KALRN: variants seen among roughly 807,000 people sequenced by gnomAD.
KALRN encodes the protein kalirin.
In KALRN, 70 loss-of-function variants were observed where a neutral mutation model predicts 353.7. The observed-to-expected ratio is 0.20, with a 90% confidence interval of 0.16 to 0.24. KALRN has a LOEUF of 0.24. Among genes scored for constraint, KALRN ranks in the 10% least tolerant of loss-of-function variants. KALRN has a pLI of 1.00. For synonymous variants in KALRN, 1,391 were observed against 1,434.8 expected (o/e 0.97, Z 0.69); for missense variants, 2,791 against 3,756.7 (o/e 0.74, Z 6.72).
In KALRN at chr3:124,550,687, A is replaced by T. The variant is rs191585417; in HGVS notation, c.4936-12156A>T. ...TTTTTGTCCCTGGAGAGCCAGTCTG[A>T]ATTGAAAATTAAGAAGTTAAGACCA... On this transcript the variant is annotated intron_variant, in intron 33 of 59. Transcript: ENST00000682506. Among the ~76,000 whole-genome samples, 5 of 152,098 alleles carry T rather than the reference A, an allele frequency of 3.3e-5. No homozygotes were observed. The South Asian group carries it at 1.0e-3, about 32-fold the overall frequency.
chr3:124,476,161 A>T (rs1468443358), intron 26 of KALRN, among the ~76,000 whole-genome samples: 3 of 152,030 alleles, frequency 2.0e-5, no homozygotes, highest in African/African-American at 7.2e-5. Flanking sequence ...TAAGTCTCAT[A>T]ATCTTAATAT....
rs894034471 is a variant in KALRN at position 124,694,259 on chromosome 3, G to A, written c.7406-73G>A. ...GACATGGGTGGGAAATGAGAGAGGT[G>A]TGTTAAAACAAAATGGCCATTTTAT... is the stretch of plus-strand genomic sequence containing the variant. On this transcript the variant is annotated intron_variant, in intron 52 of 59. Transcript: ENST00000682506. 1.0e-5 allele frequency: 14 copies of A among 1,405,738 alleles called. No individual in the cohort carries two copies. The Middle Eastern group carries it at 5.4e-4, about 54-fold the overall frequency. 87.1% of individuals were successfully genotyped at this position (1,405,738 alleles called of 1,614,324 possible).
intron 27 of KALRN, among the ~76,000 whole-genome samples, chr3:124,478,250 C>T (rs1159767238): frequency 6.6e-6 from 1 of 152,142 alleles, no homozygotes; most frequent in Admixed American, 6.5e-5. Context: ...AAACTCAGCC[C>T]TTTTTAAAGG....
intron 5 of KALRN, among the ~76,000 whole-genome samples, chr3:124,287,768 AAGATATATATATATATATATAT>A (rs1338045454): frequency 9.0e-4 from 64 of 71,462 alleles, no homozygotes; most frequent in African/African-American, 3.3e-3. Flanking sequence ...AGGGCCTAGG[AAGATATATATATATATATATAT>A]ATATATATAT....
At chr3:124,050,721 T>A (rs1006134378) in intron 1 of KALRN, among the ~76,000 whole-genome samples, 3 of 152,218 alleles carry the variant, frequency 2.0e-5, no homozygotes, top group Non-Finnish European at 2.9e-5. Context: ...CTCCCCTATG[T>A]CATATCCTTA....
chr3:124,356,215 G>T (rs2083387390), intron 10 of KALRN, among the ~76,000 whole-genome samples: 1 of 151,828 alleles, frequency 6.6e-6, no homozygotes, highest in South Asian at 2.1e-4. Flanking sequence ...GCCCACTGAG[G>T]TTAATCTTAC....
rs369418629 is a variant in KALRN, at chr3:124,539,996, G to A, written c.4936-22847G>A. On this transcript the variant is annotated intron_variant, in intron 33 of 59. Coordinates refer to ENST00000682506, the MANE Select transcript of KALRN (RefSeq NM_001388419.1). ...ATGATCTTGACTCACTGCAACCTCC[G>A]CCTCCCAGGTTCAAGCGATTCTCCT... is the stretch of plus-strand genomic sequence containing the variant. Among the ~76,000 whole-genome samples, 162 of 151,822 alleles carry A rather than the reference G, an allele frequency of 1.1e-3. 1 individual carries two copies. The highest frequency in any genetic ancestry group is 7.4e-3 in the Admixed American group (113 of 15,256).
intron 33 of KALRN, chr3:124,504,833 C>T: frequency 2.1e-6 from 1 of 472,632 alleles, no homozygotes; most frequent in Non-Finnish European, 4.4e-6. Context: ...CACAGCCCAA[C>T]TCAAATTGAA....
At chr3:124,487,081 C>T (rs2062646669) in intron 28 of KALRN, among the ~76,000 whole-genome samples, 1 of 152,194 alleles carries the variant, frequency 6.6e-6, no homozygotes, top group Admixed American at 6.5e-5. Context: ...AAAGGCACCT[C>T]CACTCAACAT....
At chr3:124,489,056 C>A (rs1335019579) in intron 29 of KALRN, among the ~76,000 whole-genome samples, 1 of 152,210 alleles carries the variant, frequency 6.6e-6, no homozygotes, top group Non-Finnish European at 1.5e-5. Context: ...TAAGATTTAA[C>A]ATTTTTTTGG....
intron 33 of KALRN, among the ~76,000 whole-genome samples, chr3:124,510,521 G>GT (rs35909786): frequency 3.4e-4 from 50 of 148,998 alleles, no homozygotes; most frequent in Admixed American, 1.5e-3. Flanking sequence ...AATGCTGAGG[G>GT]TTTTTTTTTT....
intron 45 of KALRN, among the ~76,000 whole-genome samples, chr3:124,666,163 AATG>A (rs2085588817): frequency 6.6e-6 from 1 of 152,106 alleles, no homozygotes; most frequent in African/African-American, 2.4e-5. Context: ...CTTTTCTGCT[AATG>A]ATATTACCTT....
At chr3:124,513,344 G>A (rs528872463) in intron 33 of KALRN, among the ~76,000 whole-genome samples, 9 of 152,278 alleles carry the variant, frequency 5.9e-5, no homozygotes, top group South Asian at 2.1e-4. Flanking sequence ...AGAAGCAGAC[G>A]TGTTTCCAGT....
At chr3:124,608,525 C>T (rs1171303760) in intron 34 of KALRN, among the ~76,000 whole-genome samples, 1 of 152,090 alleles carries the variant, frequency 6.6e-6, no homozygotes, top group East Asian at 1.9e-4. Context: ...TTACAGCATC[C>T]TGTCTCCCTT....
At chr3:124,273,886 C>A (rs1251542534) in intron 5 of KALRN, among the ~76,000 whole-genome samples, 1 of 152,236 alleles carries the variant, frequency 6.6e-6, no homozygotes, top group African/African-American at 2.4e-5. Flanking sequence ...CAGGTCACCA[C>A]TCATTGGCCT....
intron 33 of KALRN, among the ~76,000 whole-genome samples, chr3:124,555,459 AAATAAAGTT>A (rs2071121356): frequency 7.0e-6 from 1 of 143,586 alleles, no homozygotes. Context: ...ATAAATAAAT[AAATAAAGTT>A]ATCTTGTTTA....
Position 124,445,696 on chromosome 3 carries a change from G to A in KALRN, c.3314-465G>A, listed in dbSNP as rs1309774154. On this transcript the variant is annotated intron_variant, in intron 19 of 59. Coordinates refer to ENST00000682506, the MANE Select transcript of KALRN (RefSeq NM_001388419.1). ...TCCAAGAACATTGCTCATGATGTGG[G>A]TTGTCAAGCCAGTGATACCAGCCCT... Among the ~76,000 whole-genome samples, 3 of 152,116 alleles carry A rather than the reference G, an allele frequency of 2.0e-5. No individual in the cohort carries two copies. In the East Asian group the frequency reaches 5.8e-4, roughly 29 times the overall value.
At chr3:124,371,817 G>A (rs1042351644) in intron 10 of KALRN, among the ~76,000 whole-genome samples, 14 of 152,090 alleles carry the variant, frequency 9.2e-5, no homozygotes, top group Admixed American at 8.5e-4. Context: ...TCTTTAAGTT[G>A]TTTTAAGATA....
At chr3:124,642,806 G>GTTTTTTT (rs71145471) in intron 37 of KALRN, among the ~76,000 whole-genome samples, 1 of 96,838 alleles carries the variant, frequency 1.0e-5, no homozygotes, top group Admixed American at 1.3e-4. Context: ...CCCAAGCCTC[G>GTTTTTTT]TTTTTTTTTT....
Sources: allele counts gnomAD v4.1 joint callset (sites outside exome capture counted in the v4.1 genomes callset), GRCh38; gene constraint gnomAD v4.1.1; transcripts MANE v1.5; gene names NCBI Gene and HGNC (gene_info 2026-07-23, HGNC 2026-07-21).